The following ARAP1 variants were observed in gnomAD, a reference collection of about 807,000 sequenced individuals.
The protein encoded by ARAP1 is ArfGAP with RhoGAP domain, ankyrin repeat and PH domain 1.
A neutral mutation model predicts 172.2 loss-of-function variants in ARAP1; 76 were observed. The ratio of observed to expected loss-of-function variants is 0.44; its 90% CI spans 0.37 to 0.53. The LOEUF (loss-of-function observed/expected upper bound fraction) is 0.53, where lower values mean the gene tolerates loss of function less well. ARAP1 is among the 20% of genes least tolerant of loss of function. The pLI, the probability that ARAP1 is intolerant of heterozygous loss-of-function variation, is 0.00. For missense variants in ARAP1, 1,686 were observed against 1,977.5 expected (o/e 0.85, Z 2.80); for synonymous variants, 804 against 803.3 (o/e 1.00, Z -0.01).
At chr11:72,744,696 C>A (rs1858300685) in intron 1 of ARAP1, among the ~76,000 whole-genome samples, 1 of 152,128 alleles carries the variant, frequency 6.6e-6, no homozygotes, top group Non-Finnish European at 1.5e-5. Context: ...GGGGAGGGGG[C>A]CTCAGGCAAC....
At chr11:72,704,554 G>C in intron 13 of ARAP1, 1 of 540,468 alleles carries the variant, frequency 1.9e-6, no homozygotes, top group Non-Finnish European at 3.2e-6. Flanking sequence ...CTCAGTGACA[G>C]GACAGGGAGT....
At chr11:72,688,883 T>C (rs1591167415) in intron 30 of ARAP1, 1 of 255,728 alleles carries the variant, frequency 3.9e-6, no homozygotes, top group East Asian at 1.0e-4. Context: ...CTGAATCAGA[T>C]TGTATGTGGA....
Position 72,695,547 on chromosome 11 carries a change from T to A in ARAP1, c.3502A>T (p.Thr1168Ser), listed in dbSNP as rs1856149518. ...KMRVAGTASG[T>S]QHAGDFICTV... ...ACCCAGGCTCCAGCCTTCACCTGGG[T>A]CCCACTGGCAGTGCCAGCCACGCGC... The change falls in exon 25 of 35, where the codon ACC becomes TCC. Residue 1168 changes from threonine (T) to serine (S), a missense_variant. Physicochemically the swap from Thr to Ser is moderately conservative, Grantham distance 58. This residue lies in a region of ARAP1 where 379 missense variants were observed against 500.1 expected (regional missense o/e 0.76). Coordinates refer to ENST00000393609, the MANE Select transcript of ARAP1 (RefSeq NM_001040118.3). This position sits in a 1 kb window ranked among gnomAD's most constrained non-coding sequence, Gnocchi z 4.4. 14 of 1,613,932 alleles carry A rather than the reference T, an allele frequency of 8.7e-6. No individual in the cohort carries two copies. The highest frequency in any genetic ancestry group is 1.3e-5 in the African/African-American group (1 of 74,916).
At chr11:72,719,199 C>G (rs1054111817) in intron 3 of ARAP1, among the ~76,000 whole-genome samples, 10 of 152,202 alleles carry the variant, frequency 6.6e-5, no homozygotes, top group Non-Finnish European at 1.5e-4. Context: ...CATGGGCCAC[C>G]AGGTCTCAGG....
In ARAP1 at chr11:72,695,831, C is replaced by T. The variant is rs1856163825; in HGVS notation, c.3307G>A (p.Val1103Met). ...QCFSDTNQMN[V>M]HNLAIVFGPT... The stretch of plus-strand genomic sequence containing the variant: ...CCAAACACAATTGCCAGGTTGTGCA[C>T]GTTCATCTGGTTCGTGTCTGAGAAG... Residue 1103 changes from valine to methionine, a missense_variant, in exon 24 of 35, where the codon GTG becomes ATG. Physicochemically the swap from Val to Met is conservative, Grantham distance 21 (BLOSUM62 1). Transcript: ENST00000393609. The surrounding 1 kb of genome is among the most constrained non-coding windows in gnomAD (Gnocchi z 4.4). The T allele has an allele frequency of 2.5e-6, 4 of 1,613,850 alleles. No homozygotes were observed. The highest frequency in any genetic ancestry group is 3.4e-6 in the Non-Finnish European group (4 of 1,179,876).
At chr11:72,735,579 G>C (rs952793427) in intron 1 of ARAP1, among the ~76,000 whole-genome samples, 13 of 152,136 alleles carry the variant, frequency 8.5e-5, no homozygotes, top group African/African-American at 3.1e-4. Context: ...CTGGGCGACA[G>C]AGTGAGACTC....
rs571738153 is a variant in ARAP1 at position 72,715,411 on chromosome 11, G to A, written c.510-1090C>T. ...GTTGCCCTGGTGTTCCTGGCTGATG[G>A]TGTGGGGCTACCGTGAAAGCAAGGA... On this transcript the variant is annotated intron_variant, in intron 3 of 34. Transcript: ENST00000393609. 4.6e-5 allele frequency among the ~76,000 whole-genome samples: 7 copies of A among 152,328 alleles called. No homozygotes were observed. In the South Asian group the frequency reaches 6.2e-4, roughly 14 times the overall value.
chr11:72,687,203 G>A lies in ARAP1; in HGVS notation c.4185+236C>T, dbSNP rs1029630942. On this transcript the variant is annotated intron_variant, in intron 33 of 34. Coordinates refer to ENST00000393609, the MANE Select transcript of ARAP1 (RefSeq NM_001040118.3). ...GAGTCTGTTTTCCTGTCCACATGAGGGGTGCCCCAAGGGCAGGGTCTGTGT... is the reference window on the plus strand; with the variant it reads ...GAGTCTGTTTTCCTGTCCACATGAGAGGTGCCCCAAGGGCAGGGTCTGTGT... 6 of 577,134 alleles carry A rather than the reference G, an allele frequency of 1.0e-5. No homozygotes were observed. The African/African-American group carries it at 1.1e-4, about 11-fold the overall frequency. 35.8% of individuals were successfully genotyped at this position (577,134 alleles called of 1,614,324 possible). A position where few individuals can be genotyped will look rare whatever the true frequency, so the allele number is the denominator to read the frequency against.
intron 1 of ARAP1, among the ~76,000 whole-genome samples, chr11:72,746,837 T>G (rs1858382841): frequency 6.6e-6 from 1 of 152,324 alleles, no homozygotes; most frequent in Non-Finnish European, 1.5e-5. Flanking sequence ...CAAAGGTCTC[T>G]CACTGAGCTA....
rs535731579 is a variant in ARAP1, at chr11:72,699,200, G to A, written c.2439-93C>T. 80 of 1,463,980 alleles carry A rather than the reference G, an allele frequency of 5.5e-5. No homozygotes were observed. Among genetic ancestry groups the A allele is most frequent in the East Asian group, 3.9e-4 (17 of 43,914 alleles). The allele number at this position is 1,463,980 out of a possible 1,614,324, so 90.7% of individuals were successfully genotyped here. On this transcript the variant is annotated intron_variant, in intron 17 of 34. Transcript: ENST00000393609. This position sits in a 1 kb window ranked among gnomAD's most constrained non-coding sequence, Gnocchi z 4.2. ...TCAACCGCCATCCTCTGCCCCCTCC[G>A]CACTGCCTTGGCGCTTGTCCTTATT...
At chr11:72,746,647 G>C (rs1178972052) in intron 1 of ARAP1, among the ~76,000 whole-genome samples, 2 of 152,050 alleles carry the variant, frequency 1.3e-5, no homozygotes, top group Non-Finnish European at 2.9e-5. Flanking sequence ...GAGTGGAGAG[G>C]AGTGGAACAG....
At chr11:72,700,892 G>A (rs1158274627) in intron 16 of ARAP1, among the ~76,000 whole-genome samples, 1 of 152,206 alleles carries the variant, frequency 6.6e-6, no homozygotes, top group Non-Finnish European at 1.5e-5. Context: ...CAGCTACTCG[G>A]GAGGCTGAGG....
At chr11:72,736,572 T>TGTCA (rs1229345022) in intron 1 of ARAP1, among the ~76,000 whole-genome samples, 3 of 151,652 alleles carry the variant, frequency 2.0e-5, no homozygotes, top group Admixed American at 6.6e-5. Flanking sequence ...CAGAAGGGAG[T>TGTCA]GTCATCCTGT....
intron 12 of ARAP1, 73 bp from the exon 13 acceptor site, chr11:72,705,963 C>T: frequency 6.8e-7 from 1 of 1,473,222 alleles, no homozygotes; most frequent in Admixed American, 1.7e-5. Flanking sequence ...CCCCCAGTGT[C>T]TACTGGGACA....
chr11:72,707,279 C>T lies in ARAP1; in HGVS notation c.1619G>A (p.Arg540His), dbSNP rs746910641. The change falls in exon 12 of 35, where the codon CGC becomes CAC. Residue 540 changes from arginine (R) to histidine (H), a missense_variant. Transcript: ENST00000393609. Reference sequence around the variant, plus strand: ...CCTGTTGGGGGCTGCAGCCCAGATGCGCTCGGCCACCTCCGAGGTAGACAG... The same window carrying T: ...CCTGTTGGGGGCTGCAGCCCAGATGTGCTCGGCCACCTCCGAGGTAGACAG... ...EALSTSEVAE[R>H]IWAAAPNRFC... is the part of the protein sequence containing the mutation. 17 of 1,613,334 alleles carry T rather than the reference C, an allele frequency of 1.1e-5. No homozygotes were observed. Among genetic ancestry groups the T allele is most frequent in the South Asian group, 3.3e-5 (3 of 90,960 alleles).
intron 14 of ARAP1, 85 bp downstream of exon 14, chr11:72,704,067 T>G: frequency 5.2e-6 from 8 of 1,535,432 alleles, no homozygotes; most frequent in Non-Finnish European, 7.2e-6. Context: ...AGCTGGTAGA[T>G]GAGATGGGTT....
Position 72,694,996 on chromosome 11 carries a change from G to A in ARAP1, c.3678C>T (p.Asn1226=), listed in dbSNP as rs138082807. 4.3e-5 allele frequency: 70 copies of A among 1,613,940 alleles called. No individual in the cohort carries two copies. The highest frequency in any genetic ancestry group is 3.6e-4 in the African/African-American group (27 of 75,016). ...GTCACCCACCTGCCTCCTCCCTCTC[G>A]TTGACCTCAAAGCAGGTCCAATAGT... is the stretch of plus-strand genomic sequence containing the variant. ...EKDYWTCFEV[N]EREEAERPLH... The change falls in exon 27 of 35, where the codon AAC becomes AAT. Residue 1226 remains asparagine, a synonymous_variant. Coordinates refer to ENST00000393609, the MANE Select transcript of ARAP1 (RefSeq NM_001040118.3).
At chr11:72,713,116 C>T (rs1857106025) in intron 5 of ARAP1, 60 bp downstream of exon 5, 20 of 1,558,540 alleles carry the variant, frequency 1.3e-5, no homozygotes, top group Non-Finnish European at 1.7e-5. Flanking sequence ...CAGGGTCTGA[C>T]AGGCAGCTGG....
At chr11:72,722,350 G>A in intron 3 of ARAP1, 1 of 985,484 alleles carries the variant, frequency 1.0e-6, no homozygotes. Flanking sequence ...CACTGAGAAA[G>A]CGAAAAGTCA....
Sources: gnomAD v4.1 joint callset for allele counts (sites outside exome capture counted in the v4.1 genomes callset) on GRCh38, gnomAD v4.1.1 for gene constraint, gnomAD v4.1.1 regional missense constraint, Gnocchi (gnomAD v3.1) non-coding constraint, MANE v1.5 for transcripts, NCBI Gene and HGNC (gene_info 2026-07-23, HGNC 2026-07-21) for gene names.